The following EIF4E3 variants were observed in gnomAD, a reference collection of about 807,000 sequenced individuals.
EIF4E3 encodes eukaryotic translation initiation factor 4E type 3.
In EIF4E3, 26 loss-of-function variants were observed where a neutral mutation model predicts 31.7. That is an observed-to-expected ratio of 0.82 (90% CI 0.60 to 1.14). The LOEUF (loss-of-function observed/expected upper bound fraction) is 1.14. Ranked by LOEUF, EIF4E3 falls within the 50% of genes most tolerant of loss-of-function variation. The pLI is 0.00. For synonymous variants in EIF4E3, 128 were observed against 107.7 expected (o/e 1.19, Z -1.17); for missense variants, 304 against 270.9 (o/e 1.12, Z -0.86).
downstream of EIF4E3, among the ~76,000 whole-genome samples, chr3:71,674,852 TA>T (rs1271493120): frequency 1.3e-5 from 2 of 152,160 alleles, no homozygotes; most frequent in Admixed American, 6.5e-5. Context: ...CTTGCCCTTC[TA>T]AAAAGGAGGA....
intron 2 of EIF4E3, among the ~76,000 whole-genome samples, chr3:71,709,575 G>C (rs562203484): frequency 6.6e-6 from 1 of 152,040 alleles, no homozygotes; most frequent in Admixed American, 6.6e-5. Context: ...GTAGAGATGG[G>C]GGTCTATGTT....
At position 71,699,706 on chromosome 3, in the gene EIF4E3, T is replaced by C; in HGVS notation, c.252A>G (p.Ile84Met). The stretch of plus-strand genomic sequence containing the variant: ...GGATATTATTGTATACACTCCAAAA[T>C]ATCTTTAAAAGAAAAACAAACACTT... ...KKIYTVQTVQ[I>M]FWSVYNNIPP... is the part of the protein sequence containing the mutation. Residue 84 changes from isoleucine to methionine, a missense_variant and splice_region_variant, in exon 3 of 7, where the codon ATA becomes ATG. Ile to Met is a conservative substitution (Grantham distance 10). Coordinates refer to ENST00000425534, the MANE Select transcript of EIF4E3 (RefSeq NM_001134651.2). 6.2e-7 allele frequency: 1 copy of C among 1,610,596 alleles called. No homozygotes were observed. Among genetic ancestry groups the C allele is most frequent in the Non-Finnish European group, 8.5e-7 (1 of 1,177,978 alleles).
chr3:71,664,958 G>A, the EIF4E3 span, among the ~76,000 whole-genome samples: 10 of 152,236 alleles, frequency 6.6e-5, no homozygotes, highest in South Asian at 2.1e-3. Context: ...AGAACTAAGA[G>A]GTTGTCTCCT....
chr3:71,716,231 T>A (rs902508446), intron 1 of EIF4E3, among the ~76,000 whole-genome samples: 7 of 151,014 alleles, frequency 4.6e-5, no homozygotes, highest in Non-Finnish European at 7.4e-5. Context: ...CTTGAAAGCA[T>A]TTTATCCTTT....
intron 1 of EIF4E3, among the ~76,000 whole-genome samples, chr3:71,713,143 C>A (rs1352021517): frequency 6.6e-6 from 1 of 152,230 alleles, no homozygotes; most frequent in Non-Finnish European, 1.5e-5. Flanking sequence ...TGCTGAGCCT[C>A]TGACCTCCGT....
chr3:71,739,861 CTG>C (rs1415414488), intron 1 of EIF4E3, among the ~76,000 whole-genome samples: 2 of 151,936 alleles, frequency 1.3e-5, no homozygotes, highest in Admixed American at 1.3e-4. Context: ...AAAATAATGA[CTG>C]TTTAAATAAA....
intron 4 of EIF4E3, among the ~76,000 whole-genome samples, chr3:71,695,173 T>C (rs921643884): frequency 6.6e-6 from 1 of 152,174 alleles, no homozygotes; most frequent in African/African-American, 2.4e-5. Context: ...TTCAAGCTGT[T>C]ACTGATGAAG....
upstream of EIF4E3, chr3:71,753,954 G>C (rs1366246336): frequency 9.8e-7 from 1 of 1,023,650 alleles, no homozygotes; most frequent in East Asian, 9.1e-5. Context: ...GCTCGCCCAG[G>C]GCCGGCGGAG....
chr3:71,677,615 T>G lies in EIF4E3; in HGVS notation c.*7067A>C, dbSNP rs906198365. The G allele has an allele frequency of 2.0e-5, 3 of 152,220 alleles. No homozygotes were observed. The highest frequency in any genetic ancestry group is 4.4e-5 in the Non-Finnish European group (3 of 68,036). 9.4% of individuals were successfully genotyped at this position (152,220 alleles called of 1,614,324 possible). On this transcript the variant is annotated 3_prime_UTR_variant, in exon 7 of 7. Transcript: ENST00000425534. ...TTATGAAATTTTAAAGCCTTCCTAG[T>G]GTTATGCCCTGCTCTTCAACGATTT...
intron 4 of EIF4E3, among the ~76,000 whole-genome samples, chr3:71,694,377 G>T (rs1348600611): frequency 1.3e-5 from 2 of 152,122 alleles, no homozygotes; most frequent in Admixed American, 6.5e-5. Context: ...GTACTTAAAA[G>T]GTTACACAAG....
the EIF4E3 span, among the ~76,000 whole-genome samples, chr3:71,661,735 T>C: frequency 6.6e-5 from 10 of 152,174 alleles, no homozygotes; most frequent in African/African-American, 2.4e-4. Flanking sequence ...AGATCTTAGT[T>C]CCAGCACTTT....
intron 6 of EIF4E3, 72 bp from the exon 7 acceptor site, chr3:71,684,800 C>A: frequency 6.7e-7 from 1 of 1,484,628 alleles, no homozygotes; most frequent in South Asian, 1.2e-5. Flanking sequence ...GCCAACCCTC[C>A]TCTAGGCATC....
upstream of EIF4E3, among the ~76,000 whole-genome samples, chr3:71,730,167 T>TA (rs2049690160): frequency 1.3e-5 from 2 of 152,098 alleles, no homozygotes; most frequent in African/African-American, 4.8e-5. Flanking sequence ...TAGGGGAGAC[T>TA]TGACACTATT....
chr3:71,662,640 G>A, the EIF4E3 span, among the ~76,000 whole-genome samples: 1 of 152,138 alleles, frequency 6.6e-6, no homozygotes, highest in East Asian at 1.9e-4. Context: ...TTTAATTTCC[G>A]GTGGTGCCAG....
chr3:71,744,925 G>A (rs1206514004), intron 1 of EIF4E3, among the ~76,000 whole-genome samples: 1 of 152,158 alleles, frequency 6.6e-6, no homozygotes, highest in African/African-American at 2.4e-5. Context: ...CAGTGCCAGG[G>A]CCACAGCTGT....
At chr3:71,743,930 C>A (rs761768869) in intron 1 of EIF4E3, among the ~76,000 whole-genome samples, 4 of 151,980 alleles carry the variant, frequency 2.6e-5, no homozygotes, top group Non-Finnish European at 5.9e-5. Flanking sequence ...ATCCACCTCA[C>A]ACCATTTATA....
chr3:71,666,847 G>C, the EIF4E3 span, among the ~76,000 whole-genome samples: 1 of 152,120 alleles, frequency 6.6e-6, no homozygotes, highest in Non-Finnish European at 1.5e-5. Flanking sequence ...GCTGAGGCAG[G>C]AGAACAGCTT....
In EIF4E3 at chr3:71,681,673, C is replaced by T. The variant is rs2048925142; in HGVS notation, c.*3009G>A. 6.6e-6 allele frequency: 1 copy of T among 152,252 alleles called. No individual in the cohort carries two copies. The highest frequency in any genetic ancestry group is 1.5e-5 in the Non-Finnish European group (1 of 68,054). 9.4% of individuals were successfully genotyped at this position (152,252 alleles called of 1,614,324 possible). ...AACTTGCCGACTTCAATACCCAGCT[C>T]TGTGGCTGGCTAGCCCTACGTCTTT... On this transcript the variant is annotated 3_prime_UTR_variant, in exon 7 of 7. Coordinates refer to ENST00000425534, the MANE Select transcript of EIF4E3 (RefSeq NM_001134651.2).
intron 2 of EIF4E3, among the ~76,000 whole-genome samples, chr3:71,706,494 T>G (rs1278624877): frequency 6.6e-6 from 1 of 151,994 alleles, no homozygotes; most frequent in Middle Eastern, 3.4e-3. Flanking sequence ...GGAGAAGCAG[T>G]TTTTTTTAGT....
Sources: allele counts gnomAD v4.1 joint callset (sites outside exome capture counted in the v4.1 genomes callset), GRCh38; gene constraint gnomAD v4.1.1; transcripts MANE v1.5; gene names NCBI Gene and HGNC (gene_info 2026-07-23, HGNC 2026-07-21).